Variants in ANOS1 observed in about 807,000 individuals in gnomAD.
ANOS1 encodes the protein anosmin 1.
Under a neutral mutation model 59.0 loss-of-function variants are expected in ANOS1, and 6 were observed. That is an observed-to-expected ratio of 0.10 (90% CI 0.06 to 0.20). ANOS1 has a LOEUF of 0.20. Ranked by LOEUF, ANOS1 falls within the 10% of genes least tolerant of loss-of-function variation. The probability of loss-of-function intolerance (pLI) is 1.00; values close to 1 mark genes in which losing one functional copy is unlikely to be tolerated. For missense variants in ANOS1, 433 were observed against 542.3 expected (o/e 0.80, Z 2.00); for synonymous variants, 217 against 223.4 (o/e 0.97, Z 0.25).
chrX:8,682,998 T>C (rs1377686170), intron 2 of ANOS1, among the ~76,000 whole-genome samples: 4 of 111,033 alleles, frequency 3.6e-5, no homozygotes, highest in Admixed American at 9.6e-5. Context: ...TCAGAATCTA[T>C]GGAGGTGGGG....
Position 8,587,863 on chromosome X carries a change from T to C in ANOS1, c.657A>G (p.Val219=), listed in dbSNP as rs1399512729. The C allele has an allele frequency of 8.3e-7, 1 of 1,207,539 alleles. No individual in the cohort carries two copies. The highest frequency in any genetic ancestry group is 1.1e-6 in the Non-Finnish European group (1 of 892,677). ...GGATTCCATAATTCCATCTTCTTTG[T>C]ACCACATAGATCACAGGCTCAATAG... ...NISIEPVIYV[V]QRRWNYGIHP... is the part of the protein sequence containing the mutation. Residue 219 remains valine (V), a synonymous_variant, in exon 5 of 14, where the codon GTA becomes GTG. Coordinates refer to ENST00000262648, the MANE Select transcript of ANOS1 (RefSeq NM_000216.4).
intron 2 of ANOS1, among the ~76,000 whole-genome samples, chrX:8,643,348 G>A (rs907773149): frequency 9.0e-6 from 1 of 111,467 alleles, no homozygotes; most frequent in Non-Finnish European, 1.9e-5. Flanking sequence ...GCATTAATAA[G>A]TTGGGCCCTT....
At chrX:8,594,691 T>C (rs76075735) in intron 4 of ANOS1, among the ~76,000 whole-genome samples, 14 of 54,371 alleles carry the variant, frequency 2.6e-4, no homozygotes, top group African/African-American at 3.2e-4. Context: ...TATATATATA[T>C]ATATATACAC....
chrX:8,625,908 C>T (rs1931381673), intron 2 of ANOS1, among the ~76,000 whole-genome samples: 2 of 109,289 alleles, frequency 1.8e-5, no homozygotes, highest in African/African-American at 6.7e-5. Flanking sequence ...GTCAGGAGAT[C>T]GAGACCATCC....
chrX:8,533,833 A>G (rs1929539493), intron 13 of ANOS1, among the ~76,000 whole-genome samples: 2 of 111,458 alleles, frequency 1.8e-5, no homozygotes, highest in Admixed American at 9.6e-5. Context: ...ATATTGTGAT[A>G]TATGAAAATC....
At chrX:8,561,879 A>G (rs1443924257) in intron 8 of ANOS1, among the ~76,000 whole-genome samples, 2 of 111,797 alleles carry the variant, frequency 1.8e-5, no homozygotes, top group African/African-American at 6.5e-5. Flanking sequence ...TTTAAGCTCA[A>G]TGTCAATCTT....
chrX:8,695,352 C>T (rs989784802), intron 2 of ANOS1, among the ~76,000 whole-genome samples: 2 of 111,837 alleles, frequency 1.8e-5, no homozygotes, highest in African/African-American at 6.5e-5. Context: ...TCATCCGAGA[C>T]TGAAACTGTG....
intron 2 of ANOS1, among the ~76,000 whole-genome samples, chrX:8,625,693 A>C (rs1931378032): frequency 9.0e-6 from 1 of 111,626 alleles, no homozygotes. Flanking sequence ...CATCCTTTGG[A>C]GTTTGTGTGA....
intron 8 of ANOS1, among the ~76,000 whole-genome samples, chrX:8,561,899 C>T (rs984294873): frequency 1.8e-5 from 2 of 111,667 alleles, no homozygotes; most frequent in Admixed American, 9.6e-5. Context: ...TGTCTTCCTA[C>T]TTGCTTTATA....
chrX:8,557,874 C>T (rs1260229343), intron 8 of ANOS1, among the ~76,000 whole-genome samples: 1 of 111,957 alleles, frequency 8.9e-6, no homozygotes. Flanking sequence ...CACATGCACA[C>T]ATATGTTTAT....
At chrX:8,590,580 CT>C (rs1453516528) in intron 4 of ANOS1, among the ~76,000 whole-genome samples, 2 of 111,881 alleles carry the variant, frequency 1.8e-5, no homozygotes. Flanking sequence ...TTAATGATGC[CT>C]GTCTTTCCAT....
intron 8 of ANOS1, among the ~76,000 whole-genome samples, chrX:8,557,456 C>T (rs1929967340): frequency 9.0e-6 from 1 of 111,477 alleles, no homozygotes; most frequent in Admixed American, 9.6e-5. Flanking sequence ...CCAGAATCTA[C>T]AGGAAACAAA....
chrX:8,675,706 T>G (rs1244551602), intron 2 of ANOS1, among the ~76,000 whole-genome samples: 2 of 110,339 alleles, frequency 1.8e-5, no homozygotes, highest in Non-Finnish European at 3.8e-5. Context: ...TTAGTTTTTA[T>G]TTTTATTCTA....
At chrX:8,650,271 G>A (rs914434134) in intron 2 of ANOS1, among the ~76,000 whole-genome samples, 15 of 112,476 alleles carry the variant, frequency 1.3e-4, no homozygotes, top group African/African-American at 4.8e-4. Flanking sequence ...CTGTTTCTGA[G>A]GAGATCCTGA....
chrX:8,574,959 G>A (rs904133476), intron 6 of ANOS1, among the ~76,000 whole-genome samples: 3 of 112,041 alleles, frequency 2.7e-5, no homozygotes, highest in African/African-American at 9.7e-5. Context: ...CCTGAGAGGA[G>A]GAATGTTTGC....
At chrX:8,568,999 CAG>C (rs1160763534) in intron 7 of ANOS1, among the ~76,000 whole-genome samples, 1 of 111,720 alleles carries the variant, frequency 9.0e-6, no homozygotes, top group African/African-American at 3.3e-5. Flanking sequence ...AATAAAGTAA[CAG>C]AGATCTATGT....
intron 9 of ANOS1, among the ~76,000 whole-genome samples, chrX:8,545,061 C>CAAAAAAAAAAAAAAA (rs759787339): frequency 1.5e-4 from 3 of 20,465 alleles, no homozygotes; most frequent in Admixed American, 7.0e-4. Flanking sequence ...AGAGAAACTC[C>CAAAAAAAAAAAAAAA]AAAAAAAAAA....
chrX:8,664,428 C>T lies in ANOS1; in HGVS notation c.255+35270G>A, dbSNP rs931934508. Among the ~76,000 whole-genome samples, 3 of 110,384 alleles carry T rather than the reference C, an allele frequency of 2.7e-5. 1 individual carries two copies. The highest frequency in any genetic ancestry group is 9.3e-3 in the Middle Eastern group (2 of 216). On this transcript the variant is annotated intron_variant, in intron 2 of 13. Coordinates refer to ENST00000262648, the MANE Select transcript of ANOS1 (RefSeq NM_000216.4). The stretch of plus-strand genomic sequence containing the variant: ...CAGGATGGTCTCAATCTCCTGACCT[C>T]GTGATCCGCCCACCTTGGCCTCCCA...
intron 8 of ANOS1, among the ~76,000 whole-genome samples, chrX:8,566,795 A>G (rs774312345): frequency 1.8e-4 from 20 of 111,727 alleles, no homozygotes; most frequent in Non-Finnish European, 3.4e-4. Flanking sequence ...TTTTTGAAGC[A>G]TTATTTCAAA....
Sources: gnomAD v4.1 joint callset for allele counts (sites outside exome capture counted in the v4.1 genomes callset) on GRCh38, gnomAD v4.1.1 for gene constraint, MANE v1.5 for transcripts, NCBI Gene and HGNC (gene_info 2026-07-23, HGNC 2026-07-21) for gene names.